The following UBXN2B variants were observed in gnomAD, a reference collection of about 807,000 sequenced individuals.
UBXN2B encodes the protein UBX domain-containing protein 2B.
UBXN2B carries 19 observed loss-of-function variants against 37.5 expected under a neutral mutation model. The observed-to-expected ratio is 0.51, with a 90% CI of 0.35 to 0.74. The LOEUF (loss-of-function observed/expected upper bound fraction) is 0.74, where lower values mean the gene tolerates loss of function less well. UBXN2B is among the 30% of genes least tolerant of loss of function. The pLI, the probability that UBXN2B is intolerant of heterozygous loss-of-function variation, is 0.01. For synonymous variants in UBXN2B, 145 were observed against 143.8 expected, an observed-to-expected ratio of 1.01 and a Z score of -0.06; for missense variants, 370 against 393.2, an observed-to-expected ratio of 0.94 and a Z score of 0.50.
chr8:58,427,995 A>ACTATGAAAC (rs1429518327), intron 2 of UBXN2B, among the ~76,000 whole-genome samples: 1 of 152,200 alleles, frequency 6.6e-6, no homozygotes, highest in Non-Finnish European at 1.5e-5. Context: ...AGAGAGTTCA[A>ACTATGAAAC]CTATGAAACA....
chr8:58,437,756 T>C (rs1043613838), intron 5 of UBXN2B, among the ~76,000 whole-genome samples: 10 of 152,148 alleles, frequency 6.6e-5, no homozygotes, highest in African/African-American at 2.4e-4. Flanking sequence ...GCAGAGCCCG[T>C]TGAAGTTTGG....
Position 58,445,890 on chromosome 8 carries a change from T to A in UBXN2B, c.672-17T>A, listed in dbSNP as rs1808654285. The A allele has an allele frequency of 1.3e-6, 2 of 1,570,368 alleles. No individual in the cohort carries two copies. Among genetic ancestry groups the A allele is most frequent in the Non-Finnish European group, 1.7e-6 (2 of 1,161,314 alleles). On this transcript the variant is annotated splice_polypyrimidine_tract_variant and intron_variant, in intron 6 of 7. Coordinates refer to ENST00000399598, the MANE Select transcript of UBXN2B (RefSeq NM_001077619.2). Reference sequence around the variant, plus strand: ...TATTTTACACATTCAGATTTGTGTTTAATTCCTCTTTTTTAGCCTTACACC... The same window carrying A: ...TATTTTACACATTCAGATTTGTGTTAAATTCCTCTTTTTTAGCCTTACACC...
rs1271327769 is a variant in UBXN2B at position 58,433,241 on chromosome 8, G to T, written c.421G>T (p.Asp141Tyr). 1 of 1,606,884 alleles carries T rather than the reference G, an allele frequency of 6.2e-7. No individual in the cohort carries two copies. Among genetic ancestry groups the T allele is most frequent in the Non-Finnish European group, 8.5e-7 (1 of 1,175,690 alleles). The change falls in exon 4 of 8, where the codon GAT (aspartate) becomes TAT (tyrosine). Residue 141 changes from aspartate to tyrosine, a missense_variant and splice_region_variant. Asp to Tyr is a radical substitution (Grantham distance 160). This residue lies in a region of UBXN2B where 197 missense variants were observed against 170.2 expected (regional missense o/e 1.16). Coordinates refer to ENST00000399598, the MANE Select transcript of UBXN2B (RefSeq NM_001077619.2). ...TATCTATGGAGAAAATCAGCTGCAAGATGTAGGTACAATAATCAAAATGAA... is the reference window on the plus strand; with the variant it reads ...TATCTATGGAGAAAATCAGCTGCAATATGTAGGTACAATAATCAAAATGAA... ...EYIYGENQLQ[D>Y]VQILLKLWSN...
intron 4 of UBXN2B, 82 bp from the exon 5 acceptor site, chr8:58,434,308 TTAAAA>T: frequency 2.7e-6 from 1 of 367,756 alleles, no homozygotes; most frequent in African/African-American, 2.1e-5. Context: ...CATTTGGAAC[TTAAAA>T]TTATTTGGGG....
intron 5 of UBXN2B, among the ~76,000 whole-genome samples, chr8:58,437,959 C>G (rs547552339): frequency 1.8e-4 from 27 of 151,802 alleles, no homozygotes; most frequent in African/African-American, 6.0e-4. Context: ...AGCCCCCCCC[C>G]CAACCCCCAT....
intron 2 of UBXN2B, among the ~76,000 whole-genome samples, chr8:58,429,384 T>C (rs1392342898): frequency 6.6e-6 from 1 of 152,194 alleles, no homozygotes. Context: ...TGCTTGCTAC[T>C]CTGGACCCTT....
chr8:58,418,869 A>AT (rs1422069047), intron 2 of UBXN2B, among the ~76,000 whole-genome samples: 1 of 152,192 alleles, frequency 6.6e-6, no homozygotes. Flanking sequence ...CTGTACTTGC[A>AT]TTTTACTCAC....
At chr8:58,412,330 A>C (rs1302064044) in intron 1 of UBXN2B, among the ~76,000 whole-genome samples, 1 of 152,218 alleles carries the variant, frequency 6.6e-6, no homozygotes, top group Non-Finnish European at 1.5e-5. Context: ...AAGGACATCA[A>C]ATCCTTAGTC....
chr8:58,415,221 T>G (rs1239140954), intron 1 of UBXN2B, among the ~76,000 whole-genome samples: 1 of 151,916 alleles, frequency 6.6e-6, no homozygotes, highest in Non-Finnish European at 1.5e-5. Context: ...TTAGAAAAGG[T>G]TTTGTGAAGG....
At position 58,448,355 on chromosome 8, in the gene UBXN2B, C is replaced by G. The variant is rs1462155745; in HGVS notation, c.*804C>G. On this transcript the variant is annotated 3_prime_UTR_variant, in exon 8 of 8. Transcript: ENST00000399598. The stretch of plus-strand genomic sequence containing the variant: ...TGCCTGGCTAATTTTTGTACTTTTG[C>G]TAGAGACAGCGTTTCTCTGTGTTGA... The G allele has an allele frequency of 6.6e-6, 1 of 151,842 alleles. No individual in the cohort carries two copies. Among genetic ancestry groups the G allele is most frequent in the Non-Finnish European group, 1.5e-5 (1 of 67,968 alleles). 9.4% of individuals were successfully genotyped at this position (151,842 alleles called of 1,614,324 possible).
intron 2 of UBXN2B, among the ~76,000 whole-genome samples, chr8:58,418,026 A>C: frequency 6.6e-6 from 1 of 152,230 alleles, no homozygotes; most frequent in East Asian, 1.9e-4. Flanking sequence ...AGATCACTTG[A>C]GGTCAGGAGT....
rs1355660911 is a variant in UBXN2B, at chr8:58,439,758, A to G, written c.659A>G (p.Gln220Arg). The G allele has an allele frequency of 4.4e-6, 7 of 1,595,754 alleles. No homozygotes were observed. Among genetic ancestry groups the G allele is most frequent in the Admixed American group, 1.8e-5 (1 of 54,834 alleles). Residue 220 changes from glutamine (Q) to arginine (R), a missense_variant, in exon 6 of 8, where the codon CAA (glutamine) becomes CGA (arginine). Coordinates refer to ENST00000399598, the MANE Select transcript of UBXN2B (RefSeq NM_001077619.2). ...LRFKAFSGEG[Q>R]KLGSLTPEIV... ...TTCAAGGCTTTTAGTGGAGAAGGGCAAAAACTTGGAAGGTAAAAATCCTAA... is the reference window on the plus strand; with the variant it reads ...TTCAAGGCTTTTAGTGGAGAAGGGCGAAAACTTGGAAGGTAAAAATCCTAA...
intron 2 of UBXN2B, among the ~76,000 whole-genome samples, chr8:58,429,796 C>T (rs726012): frequency 0.2 from 30,205 of 152,020 alleles, 3,170 homozygotes; most frequent in Middle Eastern, 0.28. Context: ...TCATCTTACC[C>T]TGGAAGTCTC....
chr8:58,413,802 C>T (rs1585590460), intron 1 of UBXN2B, among the ~76,000 whole-genome samples: 2 of 152,252 alleles, frequency 1.3e-5, no homozygotes, highest in East Asian at 3.9e-4. Flanking sequence ...TTCATAGCTC[C>T]CTTCATCCCC....
intron 6 of UBXN2B, among the ~76,000 whole-genome samples, chr8:58,442,261 A>G (rs75174710): frequency 1.0e-3 from 159 of 152,344 alleles, no homozygotes; most frequent in African/African-American, 3.5e-3. Flanking sequence ...ATGTGAGCCT[A>G]TGTGTTCACA....
chr8:58,447,126 T>G (rs563987986), intron 7 of UBXN2B, among the ~76,000 whole-genome samples: 2 of 152,184 alleles, frequency 1.3e-5, no homozygotes, highest in South Asian at 2.1e-4. Flanking sequence ...ATAACAACAT[T>G]AGTACACTTA....
intron 2 of UBXN2B, among the ~76,000 whole-genome samples, chr8:58,418,575 G>A (rs1333068054): frequency 6.6e-6 from 1 of 152,110 alleles, no homozygotes; most frequent in African/African-American, 2.4e-5. Context: ...GGGTATGCTA[G>A]ATAAGTGATA....
chr8:58,448,748 G>T lies in UBXN2B; in HGVS notation c.*1197G>T, dbSNP rs1185091417. On this transcript the variant is annotated 3_prime_UTR_variant, in exon 8 of 8. Transcript: ENST00000399598. ...CAGCATAAATGTTTGCATTTCTGCT[G>T]AAGCCAGAAGCTTTTCCTTCTTCCT... is the stretch of plus-strand genomic sequence containing the variant. 1.3e-5 allele frequency: 2 copies of T among 152,460 alleles called. No individual in the cohort carries two copies. The highest frequency in any genetic ancestry group is 4.8e-5 in the African/African-American group (2 of 41,400). 9.4% of individuals were successfully genotyped at this position (152,460 alleles called of 1,614,324 possible).
chr8:58,425,888 T>C (rs1585603256), intron 2 of UBXN2B: 10 of 1,177,206 alleles, frequency 8.5e-6, no homozygotes, highest in Admixed American at 3.4e-5. Context: ...GCCGTTATTG[T>C]TCTCCCCTTT....
Sources: gnomAD v4.1 joint callset for allele counts (sites outside exome capture counted in the v4.1 genomes callset) on GRCh38, gnomAD v4.1.1 for gene constraint, gnomAD v4.1.1 regional missense constraint, MANE v1.5 for transcripts, NCBI Gene and HGNC (gene_info 2026-07-23, HGNC 2026-07-21) for gene names.